Variants in AGTPBP1 observed in about 807,000 individuals in gnomAD.
The protein encoded by AGTPBP1 is cytosolic carboxypeptidase 1.
In AGTPBP1, 70 loss-of-function variants were observed where a neutral mutation model predicts 143.9. That is an observed-to-expected ratio of 0.49 (90% confidence interval 0.40 to 0.59). The LOEUF (loss-of-function observed/expected upper bound fraction) is 0.59, where lower values mean the gene tolerates loss of function less well. AGTPBP1 is among the 20% of genes least tolerant of loss of function. The pLI is 0.00. For missense variants in AGTPBP1, 1,229 were observed against 1,464.5 expected (o/e 0.84, Z 2.62); for synonymous variants, 463 against 500.2 (o/e 0.93, Z 0.99).
Position 85,677,363 on chromosome 9 carries a change from A to T in AGTPBP1, c.436+73T>A, listed in dbSNP as rs1228580158. 4.5e-6 allele frequency: 6 copies of T among 1,330,856 alleles called. No homozygotes were observed. The East Asian group carries it at 9.8e-5, about 22-fold the overall frequency. 82.4% of individuals were successfully genotyped at this position (1,330,856 alleles called of 1,614,324 possible). On this transcript the variant is annotated intron_variant, in intron 6 of 25. Transcript: ENST00000357081. Reference sequence around the variant, plus strand: ...TAAATAACATTTTTAAAAACTGAGTAGTTACAAGGTGAGAGAATCACTGTT... The same window carrying T: ...TAAATAACATTTTTAAAAACTGAGTTGTTACAAGGTGAGAGAATCACTGTT...
At chr9:85,580,615 A>T (rs1457773171) in intron 23 of AGTPBP1, among the ~76,000 whole-genome samples, 1 of 152,202 alleles carries the variant, frequency 6.6e-6, no homozygotes, top group Non-Finnish European at 1.5e-5. Flanking sequence ...TATTATTTTC[A>T]CCTGGCAAAG....
chr9:85,641,712 T>C (rs935919676), intron 13 of AGTPBP1, among the ~76,000 whole-genome samples: 18 of 152,094 alleles, frequency 1.2e-4, no homozygotes, highest in African/African-American at 4.3e-4. Context: ...TTCTTTTTTT[T>C]TTTTAGACGA....
At chr9:85,779,218 G>GAT in the AGTPBP1 span, among the ~76,000 whole-genome samples, 7 of 99,978 alleles carry the variant, frequency 7.0e-5, no homozygotes, top group African/African-American at 9.9e-5. Context: ...TATAGATATA[G>GAT]ATATAGATAT....
rs1322646442 is a variant in AGTPBP1, at chr9:85,578,921, T to A, written c.3341A>T (p.Lys1114Met). 1 of 1,612,354 alleles carries A rather than the reference T, an allele frequency of 6.2e-7. No individual in the cohort carries two copies. ...GTTAGAAAACCTAAGATGTTTTACC[T>A]TGTATTTTCCCTGATCACAGCCACA... is the stretch of plus-strand genomic sequence containing the variant. ...TLCGCDQGKY[K>M]GLQIGTRELE... is the part of the protein sequence containing the mutation. The change falls in exon 24 of 26, where the codon AAG (lysine) becomes ATG (methionine). Residue 1114 changes from lysine (K) to methionine (M), a missense_variant and splice_region_variant. By Grantham distance (95) the Lys-to-Met change is moderately conservative (BLOSUM62 -1). This residue lies in a region of AGTPBP1 where 486 missense variants were observed against 652.3 expected (regional missense o/e 0.75). Coordinates refer to ENST00000357081, the MANE Select transcript of AGTPBP1 (RefSeq NM_001330701.2).
intron 4 of AGTPBP1, among the ~76,000 whole-genome samples, chr9:85,678,902 C>T (rs888409913): frequency 3.9e-5 from 6 of 152,078 alleles, no homozygotes; most frequent in African/African-American, 1.4e-4. Context: ...TTTTACATAT[C>T]GATAGATAAA....
At chr9:85,796,898 T>C in the AGTPBP1 span, among the ~76,000 whole-genome samples, 1 of 152,130 alleles carries the variant, frequency 6.6e-6, no homozygotes, top group Non-Finnish European at 1.5e-5. Flanking sequence ...GCGATTCTCC[T>C]GCCTCAGCCT....
At chr9:85,631,607 A>C (rs867525129) in intron 14 of AGTPBP1, among the ~76,000 whole-genome samples, 2 of 152,206 alleles carry the variant, frequency 1.3e-5, no homozygotes, top group Non-Finnish European at 2.9e-5. Flanking sequence ...GGCACTAAAC[A>C]TACACTAAGT....
At chr9:85,650,007 T>G (rs890169231) in intron 11 of AGTPBP1, among the ~76,000 whole-genome samples, 9 of 151,612 alleles carry the variant, frequency 5.9e-5, no homozygotes, top group Non-Finnish European at 1.3e-4. Context: ...CTTACCAGAT[T>G]GTGTTTTCAG....
At chr9:85,548,823 C>G (rs976557793) in intron 25 of AGTPBP1, among the ~76,000 whole-genome samples, 6 of 151,918 alleles carry the variant, frequency 3.9e-5, no homozygotes, top group African/African-American at 7.3e-5. Context: ...TACAGGCCCC[C>G]ACCACCATGC....
At chr9:85,654,382 C>T (rs1483027346) in intron 11 of AGTPBP1, among the ~76,000 whole-genome samples, 1 of 151,792 alleles carries the variant, frequency 6.6e-6, no homozygotes, top group Admixed American at 6.6e-5. Context: ...ATATTTTCAT[C>T]CAAGTAAGTC....
chr9:85,592,614 T>C lies in AGTPBP1; in HGVS notation c.2514A>G (p.Lys838=). The change falls in exon 19 of 26, where the codon AAA becomes AAG. Residue 838 remains lysine (K), a synonymous_variant. Transcript: ENST00000357081. ...GATAAGCAAAGTAGCAAACATCATC[T>C]TTATGTGGAAAATTGACAGTAAATG... ...TITFTVNFPH[K]DDVCYFAYHY... 2 of 1,612,414 alleles carry C rather than the reference T, an allele frequency of 1.2e-6. No individual in the cohort carries two copies. The highest frequency in any genetic ancestry group is 1.1e-5 in the South Asian group (1 of 90,620).
chr9:85,779,175 A>C, the AGTPBP1 span, among the ~76,000 whole-genome samples: 1 of 135,660 alleles, frequency 7.4e-6, no homozygotes, highest in African/African-American at 2.9e-5. Flanking sequence ...CTAATAGGAG[A>C]TATATAGATA....
chr9:85,747,144 A>G, the AGTPBP1 span, among the ~76,000 whole-genome samples: 9 of 152,296 alleles, frequency 5.9e-5, no homozygotes, highest in East Asian at 1.7e-3. Flanking sequence ...GGCCTGAGCC[A>G]CCATGCTTGG....
intron 14 of AGTPBP1, among the ~76,000 whole-genome samples, chr9:85,625,561 T>C (rs1339405060): frequency 6.6e-6 from 1 of 152,202 alleles, no homozygotes; most frequent in Non-Finnish European, 1.5e-5. Flanking sequence ...TATATAAAAG[T>C]GTAATTTATA....
chr9:85,741,383 C>T, intron 1 of AGTPBP1: 3 of 985,298 alleles, frequency 3.0e-6, no homozygotes, highest in Middle Eastern at 5.2e-4. Context: ...CGCCCGCCCC[C>T]GGCCCTGCAG....
At chr9:85,587,371 G>C (rs1828679937) in intron 21 of AGTPBP1, among the ~76,000 whole-genome samples, 1 of 151,958 alleles carries the variant, frequency 6.6e-6, no homozygotes, top group Non-Finnish European at 1.5e-5. Flanking sequence ...TGCTATCTAG[G>C]TGCTTCTTCT....
intron 17 of AGTPBP1, among the ~76,000 whole-genome samples, chr9:85,610,922 C>G (rs1377367137): frequency 1.3e-5 from 2 of 152,092 alleles, no homozygotes; most frequent in African/African-American, 4.8e-5. Context: ...CCTAACAAAT[C>G]TAAAGATAAG....
At chr9:85,755,710 G>T in the AGTPBP1 span, among the ~76,000 whole-genome samples, 1 of 152,294 alleles carries the variant, frequency 6.6e-6, no homozygotes, top group South Asian at 2.1e-4. Context: ...AGATAGATAC[G>T]TAGGGCAGCC....
intron 23 of AGTPBP1, among the ~76,000 whole-genome samples, chr9:85,580,329 T>C (rs1377815800): frequency 6.6e-6 from 1 of 152,062 alleles, no homozygotes; most frequent in East Asian, 1.9e-4. Context: ...TTTTATCATA[T>C]TTGTTAATTT....
Sources: allele counts gnomAD v4.1 joint callset (sites outside exome capture counted in the v4.1 genomes callset), GRCh38; gene constraint gnomAD v4.1.1; regional missense constraint gnomAD v4.1.1; transcripts MANE v1.5; gene names NCBI Gene and HGNC (gene_info 2026-07-23, HGNC 2026-07-21).